ASIC2: variants seen among roughly 807,000 people sequenced by gnomAD.
ASIC2 encodes the protein acid sensing ion channel subunit 2, also known as acid-sensing ion channel 2.
Under a neutral mutation model 57.3 loss-of-function variants are expected in ASIC2, and 25 were observed. The observed-to-expected ratio is 0.44, with a 90% CI of 0.32 to 0.61. ASIC2 has a LOEUF of 0.61. ASIC2 is among the 20% of genes least tolerant of loss of function. The pLI, the probability that ASIC2 is intolerant of heterozygous loss-of-function variation, is 0.06. For synonymous variants in ASIC2, 319 were observed against 307.5 expected, an observed-to-expected ratio of 1.04 and a Z score of -0.39; for missense variants, 641 against 738.1, an observed-to-expected ratio of 0.87 and a Z score of 1.52.
chr17:33,037,389 C>CTTTT (rs35286664), intron 3 of ASIC2, among the ~76,000 whole-genome samples: 13 of 123,816 alleles, frequency 1.0e-4, no homozygotes, highest in African/African-American at 2.3e-4. Context: ...ACTTCCCCCT[C>CTTTT]TTTTTTTTTT....
intron 1 of ASIC2, among the ~76,000 whole-genome samples, chr17:33,764,432 T>C (rs1442623959): frequency 6.6e-6 from 1 of 151,872 alleles, no homozygotes; most frequent in Non-Finnish European, 1.5e-5. Flanking sequence ...TATAACAGAA[T>C]ACCTGAAACT....
intron 1 of ASIC2, among the ~76,000 whole-genome samples, chr17:33,872,682 C>T (rs1421353182): frequency 1.3e-5 from 2 of 152,106 alleles, no homozygotes; most frequent in African/African-American, 2.4e-5. Flanking sequence ...CCTTAAGACC[C>T]CCAGTAATCG....
At chr17:33,459,128 C>A (rs1400325278) in intron 1 of ASIC2, among the ~76,000 whole-genome samples, 1 of 151,788 alleles carries the variant, frequency 6.6e-6, no homozygotes, top group Admixed American at 6.6e-5. Flanking sequence ...GAGGCCCCAC[C>A]ATTACTCAAG....
chr17:33,836,155 T>C (rs1913269217), intron 1 of ASIC2, among the ~76,000 whole-genome samples: 1 of 145,704 alleles, frequency 6.9e-6, no homozygotes, highest in South Asian at 2.2e-4. Flanking sequence ...TCTCACTCTG[T>C]TACCCAGGCT....
intron 1 of ASIC2, among the ~76,000 whole-genome samples, chr17:33,879,926 A>G (rs1914657596): frequency 1.3e-5 from 2 of 152,254 alleles, no homozygotes; most frequent in African/African-American, 4.8e-5. Flanking sequence ...CAGTGCAATC[A>G]AACTAGAACT....
At chr17:33,904,622 G>T (rs186023568) in intron 1 of ASIC2, among the ~76,000 whole-genome samples, 3 of 152,296 alleles carry the variant, frequency 2.0e-5, no homozygotes, top group Admixed American at 2.0e-4. Context: ...GACATGATAA[G>T]AACCACCACT....
chr17:34,131,384 C>T (rs1011976240), intron 1 of ASIC2, among the ~76,000 whole-genome samples: 7 of 152,042 alleles, frequency 4.6e-5, no homozygotes, highest in Non-Finnish European at 1.0e-4. Flanking sequence ...AAACTGCCAG[C>T]CCCCCAAGCT....
chr17:33,516,926 G>A (rs1031293565), intron 1 of ASIC2, among the ~76,000 whole-genome samples: 2 of 152,094 alleles, frequency 1.3e-5, no homozygotes, highest in Non-Finnish European at 2.9e-5. Flanking sequence ...TTCATCTCTG[G>A]CTCCTTTGTC....
chr17:33,785,939 C>G lies in ASIC2; in HGVS notation c.555+370039G>C, dbSNP rs947507157. 2.6e-5 allele frequency among the ~76,000 whole-genome samples: 4 copies of G among 152,296 alleles called. No homozygotes were observed. The East Asian group carries it at 5.8e-4, about 22-fold the overall frequency. On this transcript the variant is annotated intron_variant, in intron 1 of 9. Transcript: ENST00000359872. ...GAATCTGCGTCGGCTGCTTCAGAGA[C>G]CAGCACAGGTTTACTGCTATCTGCT...
intron 1 of ASIC2, among the ~76,000 whole-genome samples, chr17:34,052,887 G>A (rs1908623863): frequency 6.6e-6 from 1 of 151,900 alleles, no homozygotes; most frequent in Non-Finnish European, 1.5e-5. Context: ...CCAAAGTGCT[G>A]GGGTTACAAG....
chr17:33,851,649 G>A (rs1913767008), intron 1 of ASIC2, among the ~76,000 whole-genome samples: 1 of 152,188 alleles, frequency 6.6e-6, no homozygotes, highest in Admixed American at 6.5e-5. Context: ...CTTTGTTGTT[G>A]GGGGATGTCT....
intron 1 of ASIC2, among the ~76,000 whole-genome samples, chr17:34,030,914 C>T (rs1048411014): frequency 2.0e-5 from 3 of 152,384 alleles, no homozygotes; most frequent in Middle Eastern, 3.4e-3. Flanking sequence ...CTGCCTGCCT[C>T]TGTAGGCTCC....
chr17:33,848,342 C>T (rs1913671033), intron 1 of ASIC2, among the ~76,000 whole-genome samples: 1 of 152,178 alleles, frequency 6.6e-6, no homozygotes, highest in Non-Finnish European at 1.5e-5. Context: ...TCCTTACATG[C>T]TCAACCTCTT....
At chr17:33,593,653 C>T (rs540522190) in intron 1 of ASIC2, among the ~76,000 whole-genome samples, 16 of 152,238 alleles carry the variant, frequency 1.1e-4, no homozygotes, top group African/African-American at 2.2e-4. Flanking sequence ...AGTGCTTAGA[C>T]GAAAGCCAGC....
chr17:33,817,682 C>T (rs1177799157), intron 1 of ASIC2, among the ~76,000 whole-genome samples: 4 of 152,158 alleles, frequency 2.6e-5, no homozygotes, highest in Non-Finnish European at 5.9e-5. Context: ...CCACCCAAAA[C>T]TTAGTGGCTT....
chr17:33,581,298 A>T lies in ASIC2; in HGVS notation c.556-469231T>A, dbSNP rs1460376831. On this transcript the variant is annotated intron_variant, in intron 1 of 9. Coordinates refer to the ASIC2 transcript ENST00000359872. ...GAAGTTGAAAACGACCTAAGTGCTC[A>T]GTCCTACAGCTGCATGGAACTGAAA... 5 of 152,362 alleles carry T rather than the reference A, an allele frequency of 3.3e-5. No individual in the cohort carries two copies. The East Asian group carries it at 9.6e-4, about 29-fold the overall frequency. 9.4% of individuals were successfully genotyped at this position (152,362 alleles called of 1,614,324 possible). A position where few individuals can be genotyped will look rare whatever the true frequency, so the allele number is the denominator to read the frequency against.
chr17:33,407,780 C>T (rs1007505125), intron 1 of ASIC2, among the ~76,000 whole-genome samples: 2 of 152,120 alleles, frequency 1.3e-5, no homozygotes, highest in African/African-American at 4.8e-5. Context: ...ACAAGCAAGC[C>T]CAAGGAATTC....
chr17:33,404,791 G>A (rs1910409276), intron 1 of ASIC2, among the ~76,000 whole-genome samples: 1 of 152,172 alleles, frequency 6.6e-6, no homozygotes, highest in African/African-American at 2.4e-5. Flanking sequence ...TTTTATCAAA[G>A]TTCAATGAAT....
At chr17:33,779,355 A>T (rs1350005683) in intron 1 of ASIC2, among the ~76,000 whole-genome samples, 1 of 152,194 alleles carries the variant, frequency 6.6e-6, no homozygotes, top group Non-Finnish European at 1.5e-5. Context: ...AACTCAACAC[A>T]AGAAAAAAAA....
Sources: gnomAD v4.1 joint callset for allele counts (sites outside exome capture counted in the v4.1 genomes callset) on GRCh38, gnomAD v4.1.1 for gene constraint, MANE v1.5 for transcripts, NCBI Gene and HGNC (gene_info 2026-07-23, HGNC 2026-07-21) for gene names.